TMEM132B: variants seen among roughly 807,000 people sequenced by gnomAD.
TMEM132B encodes transmembrane protein 132B.
A neutral mutation model predicts 90.8 loss-of-function variants in TMEM132B; 18 were observed. The ratio of observed to expected loss-of-function variants is 0.20; its 90% CI spans 0.14 to 0.29. TMEM132B has a LOEUF of 0.29. Among genes scored for constraint, TMEM132B ranks in the 10% least tolerant of loss-of-function variants. The pLI is 1.00. For synonymous variants in TMEM132B, 504 were observed against 523.3 expected (o/e 0.96, Z 0.50); for missense variants, 1,096 against 1,326.8 (o/e 0.83, Z 2.70).
intron 2 of TMEM132B, among the ~76,000 whole-genome samples, chr12:125,404,440 G>A (rs1363663599): frequency 6.6e-6 from 1 of 152,164 alleles, no homozygotes; most frequent in East Asian, 1.9e-4. Flanking sequence ...GGAGACTTAG[G>A]GTAGTTCCAA....
At chr12:125,307,813 A>ATTACAAGTATAT (rs1204474958) in intron 1 of TMEM132B, among the ~76,000 whole-genome samples, 389 of 21,718 alleles carry the variant, frequency 0.018, no homozygotes, top group Non-Finnish European at 0.023. Context: ...ATATACTTAT[A>ATTACAAGTATAT]ATACTTATAA....
intron 1 of TMEM132B, among the ~76,000 whole-genome samples, chr12:125,324,636 C>T (rs934723918): frequency 6.6e-6 from 1 of 152,140 alleles, no homozygotes. Context: ...TCATAGGAGC[C>T]CAAACCCTAT....
At chr12:125,580,625 G>GT (rs1885034572) in intron 4 of TMEM132B, among the ~76,000 whole-genome samples, 1 of 152,098 alleles carries the variant, frequency 6.6e-6, no homozygotes, top group Admixed American at 6.6e-5. Flanking sequence ...ACAAAGTTCT[G>GT]TTTTTACCAA....
In TMEM132B at chr12:125,653,569, C is replaced by G. The variant is rs776000663; in HGVS notation, c.2111C>G (p.Ala704Gly). The change falls in exon 9 of 9, where the codon GCA (alanine) becomes GGA (glycine). Residue 704 changes from alanine to glycine, a missense_variant. Transcript: ENST00000682704. ...CTTTGGTTTCATTTTCCTCAGGAAGCAATAGTAAGTTCTTGGATTTTGTTC... is the reference window on the plus strand; with the variant it reads ...CTTTGGTTTCATTTTCCTCAGGAAGGAATAGTAAGTTCTTGGATTTTGTTC... ...LDVLQSPQQE[A>G]IVSSWILFSD... 6.2e-6 allele frequency: 10 copies of G among 1,600,716 alleles called. No homozygotes were observed. The highest frequency in any genetic ancestry group is 8.5e-6 in the Non-Finnish European group (10 of 1,169,746).
Position 125,414,849 on chromosome 12 carries a change from G to A in TMEM132B, c.960-682G>A, listed in dbSNP as rs182591031. On this transcript the variant is annotated intron_variant, in intron 2 of 8. Transcript: ENST00000682704. ...GAGATGTTTTCTGGTTAGTAGCAAC[G>A]TGAGGATCATTTCAGGAGCAGTGTA... Among the ~76,000 whole-genome samples the A allele has an allele frequency of 1.3e-4, 20 of 152,294 alleles. No individual in the cohort carries two copies. The East Asian group carries it at 3.3e-3, about 25-fold the overall frequency.
rs139398487 is a variant in TMEM132B at position 125,653,463 on chromosome 12, C to A, written c.2107-102C>A. ...TTCAAGATTATAAAACTATAGAAAT[C>A]TTCTCCTTATATTTAAACAATTTAT... On this transcript the variant is annotated intron_variant, in intron 8 of 8. Transcript: ENST00000682704. 4.0e-5 allele frequency: 52 copies of A among 1,286,332 alleles called. No individual in the cohort carries two copies. The East Asian group carries it at 1.2e-3, about 30-fold the overall frequency. The allele number at this position is 1,286,332 out of a possible 1,614,324, so 79.7% of individuals were successfully genotyped here. A position where few individuals can be genotyped will look rare whatever the true frequency, so the allele number is the denominator to read the frequency against.
chr12:125,280,983 C>G (rs1009127556), intron 1 of TMEM132B, among the ~76,000 whole-genome samples: 4 of 152,174 alleles, frequency 2.6e-5, no homozygotes, highest in African/African-American at 4.8e-5. Context: ...TCCATGACAA[C>G]AATTCAATTA....
intron 5 of TMEM132B, among the ~76,000 whole-genome samples, chr12:125,611,511 A>T (rs1000208573): frequency 6.6e-6 from 1 of 151,892 alleles, no homozygotes; most frequent in African/African-American, 2.4e-5. Context: ...TAATTTGAGA[A>T]CTTATATTTT....
intron 5 of TMEM132B, among the ~76,000 whole-genome samples, chr12:125,600,234 C>A (rs1207651023): frequency 6.6e-6 from 1 of 152,066 alleles, no homozygotes; most frequent in African/African-American, 2.4e-5. Context: ...ATTAAGGGAG[C>A]CCAATAAGAA....
At chr12:125,512,657 T>G (rs1210704319) in intron 3 of TMEM132B, among the ~76,000 whole-genome samples, 2 of 152,200 alleles carry the variant, frequency 1.3e-5, no homozygotes, top group Non-Finnish European at 2.9e-5. Context: ...CTAGTGGACC[T>G]TAAGTATTTG....
chr12:125,564,035 C>T (rs191056601), intron 4 of TMEM132B, among the ~76,000 whole-genome samples: 1 of 152,242 alleles, frequency 6.6e-6, no homozygotes, highest in East Asian at 1.9e-4. Flanking sequence ...GTTAAGGCGT[C>T]CCTGGGAAAC....
At chr12:125,578,769 TC>T (rs1443010942) in intron 4 of TMEM132B, among the ~76,000 whole-genome samples, 1 of 152,240 alleles carries the variant, frequency 6.6e-6, no homozygotes, top group African/African-American at 2.4e-5. Context: ...GTGTCATCCT[TC>T]TACCTTTTTG....
At chr12:125,507,927 C>G (rs11834575) in intron 3 of TMEM132B, among the ~76,000 whole-genome samples, 1 of 152,028 alleles carries the variant, frequency 6.6e-6, no homozygotes, top group African/African-American at 2.4e-5. Flanking sequence ...TTATTGCAGT[C>G]GCCCCGGCAA....
intron 1 of TMEM132B, among the ~76,000 whole-genome samples, chr12:125,229,817 C>G (rs10846847): frequency 6.6e-6 from 1 of 152,188 alleles, no homozygotes; most frequent in African/African-American, 2.4e-5. Flanking sequence ...CGGCCTTGCA[C>G]GCTCCCAGTC....
At chr12:125,289,691 C>T (rs1330886199) in intron 1 of TMEM132B, among the ~76,000 whole-genome samples, 1 of 152,244 alleles carries the variant, frequency 6.6e-6, no homozygotes, top group African/African-American at 2.4e-5. Flanking sequence ...TAGATACTTT[C>T]ATCAGCCACA....
At chr12:125,536,900 A>G (rs1307176062) in intron 4 of TMEM132B, among the ~76,000 whole-genome samples, 1 of 152,116 alleles carries the variant, frequency 6.6e-6, no homozygotes, top group African/African-American at 2.4e-5. Context: ...TGCATGCCAT[A>G]CCTTTAAAAC....
At chr12:125,505,166 C>CCAA (rs1882804921) in intron 3 of TMEM132B, among the ~76,000 whole-genome samples, 1 of 28,586 alleles carries the variant, frequency 3.5e-5, no homozygotes, top group Non-Finnish European at 7.1e-5. Flanking sequence ...CACCAGAGGA[C>CCAA]AAAAAAAAAA....
At chr12:125,361,965 G>C (rs1877972005) in intron 2 of TMEM132B, among the ~76,000 whole-genome samples, 1 of 152,188 alleles carries the variant, frequency 6.6e-6, no homozygotes, top group Admixed American at 6.5e-5. Context: ...CAATATCTTA[G>C]TGAACACTTA....
At chr12:125,617,610 G>A (rs1039752444) in intron 5 of TMEM132B, among the ~76,000 whole-genome samples, 2 of 152,198 alleles carry the variant, frequency 1.3e-5, no homozygotes, top group Non-Finnish European at 2.9e-5. Flanking sequence ...CTCCCAAAGT[G>A]CTGGGATTAC....
Sources: allele counts gnomAD v4.1 joint callset (sites outside exome capture counted in the v4.1 genomes callset), GRCh38; gene constraint gnomAD v4.1.1; transcripts MANE v1.5; gene names NCBI Gene and HGNC (gene_info 2026-07-23, HGNC 2026-07-21).